Variants in FBXW10B observed in about 807,000 individuals in gnomAD.
FBXW10B encodes F-box and WD repeat domain containing 10B.
chr17:15,572,664 G>A, the FBXW10B span: 19 of 151,840 alleles, frequency 1.3e-4, no homozygotes, highest in African/African-American at 4.1e-4. Context: ...ACTCCAGAGC[G>A]GGAAGGCACT....
chr17:15,596,170 G>A, the FBXW10B span, among the ~76,000 whole-genome samples: 2 of 152,108 alleles, frequency 1.3e-5, no homozygotes, highest in African/African-American at 4.8e-5. Flanking sequence ...ACAGGTGTGA[G>A]CCACTGCGCC....
the FBXW10B span, chr17:15,619,545 C>T: frequency 1.5e-5 from 24 of 1,597,574 alleles, no homozygotes; most frequent in Middle Eastern, 1.7e-4. Flanking sequence ...TTTAGCCCTG[C>T]GCACTTGCAA....
chr17:15,615,823 G>A, the FBXW10B span: 8 of 1,613,696 alleles, frequency 5.0e-6, no homozygotes, highest in East Asian at 1.8e-4. Context: ...AAACACAGAA[G>A]ACCAAGACAA....
At chr17:15,619,661 T>A in the FBXW10B span, 12 of 1,483,818 alleles carry the variant, frequency 8.1e-6, no homozygotes, top group East Asian at 2.1e-4. Context: ...ATGGCTGCCA[T>A]GGATGGAAAG....
chr17:15,565,527 G>C, the FBXW10B span: 2 of 1,612,022 alleles, frequency 1.2e-6, no homozygotes, highest in East Asian at 2.2e-5. Context: ...ATTTCCCAAG[G>C]CTGGTTTAGA....
the FBXW10B span, among the ~76,000 whole-genome samples, chr17:15,583,153 G>T: frequency 6.9e-5 from 10 of 144,122 alleles, no homozygotes; most frequent in South Asian, 4.6e-4. Flanking sequence ...CTCTGTATGT[G>T]GCCTTCCTAA....
the FBXW10B span, chr17:15,612,562 G>C: frequency 1.6e-6 from 2 of 1,224,380 alleles, no homozygotes; most frequent in East Asian, 4.8e-5. Flanking sequence ...TAGCAACACA[G>C]AACTCTCGTC....
the FBXW10B span, among the ~76,000 whole-genome samples, chr17:15,569,621 A>G: frequency 6.6e-6 from 1 of 151,542 alleles, no homozygotes; most frequent in African/African-American, 2.4e-5. Flanking sequence ...CGCTGGGCCT[A>G]GGTAATTTTT....
At chr17:15,605,719 A>G in the FBXW10B span, among the ~76,000 whole-genome samples, 1 of 151,942 alleles carries the variant, frequency 6.6e-6, no homozygotes, top group Non-Finnish European at 1.5e-5. Flanking sequence ...AGTATGTGGC[A>G]TTGCCCGGAT....
At chr17:15,610,202 A>C in the FBXW10B span, among the ~76,000 whole-genome samples, 3 of 152,148 alleles carry the variant, frequency 2.0e-5, no homozygotes, top group African/African-American at 7.2e-5. Context: ...AAGAAAGAGG[A>C]GAGAAAGGCG....
the FBXW10B span, among the ~76,000 whole-genome samples, chr17:15,605,622 A>G: frequency 6.6e-6 from 1 of 152,210 alleles, no homozygotes; most frequent in African/African-American, 2.4e-5. Flanking sequence ...ACAAAAATCC[A>G]TTTCCGTTAA....
chr17:15,567,127 C>T, the FBXW10B span, among the ~76,000 whole-genome samples: 2 of 151,612 alleles, frequency 1.3e-5, no homozygotes, highest in South Asian at 4.2e-4. Flanking sequence ...AAAAAATTAG[C>T]CGGGCGTGGT....
the FBXW10B span, among the ~76,000 whole-genome samples, chr17:15,588,143 A>G: frequency 6.6e-6 from 1 of 152,084 alleles, no homozygotes; most frequent in Non-Finnish European, 1.5e-5. Context: ...TTTCATTTGC[A>G]TAAATAACAC....
At chr17:15,599,843 C>T in the FBXW10B span, among the ~76,000 whole-genome samples, 1 of 151,914 alleles carries the variant, frequency 6.6e-6, no homozygotes, top group African/African-American at 2.4e-5. Flanking sequence ...CCAGGGCCAT[C>T]ACTTACTAGC....
the FBXW10B span, among the ~76,000 whole-genome samples, chr17:15,609,930 G>A: frequency 2.1e-5 from 3 of 140,742 alleles, no homozygotes; most frequent in South Asian, 2.2e-4. Flanking sequence ...GCGTGATCTC[G>A]GCTCACTACA....
chr17:15,578,875 C>G, the FBXW10B span, among the ~76,000 whole-genome samples: 1 of 152,086 alleles, frequency 6.6e-6, no homozygotes, highest in Non-Finnish European at 1.5e-5. Context: ...GAGGGAGATT[C>G]ATTTTGGTAT....
the FBXW10B span, chr17:15,588,277 C>T: frequency 6.1e-6 from 1 of 162,712 alleles, no homozygotes; most frequent in African/African-American, 2.4e-5. Context: ...TAATTCATTA[C>T]AGACATTGTA....
At chr17:15,601,717 A>G in the FBXW10B span, among the ~76,000 whole-genome samples, 1 of 152,236 alleles carries the variant, frequency 6.6e-6, no homozygotes, top group East Asian at 1.9e-4. Flanking sequence ...ACTAATCTAT[A>G]AATTCAATGC....
chr17:15,608,073 A>G, the FBXW10B span, among the ~76,000 whole-genome samples: 8 of 151,744 alleles, frequency 5.3e-5, no homozygotes. Context: ...TCATATGTAT[A>G]TTACATCTAC....
Sources: gnomAD v4.1 joint callset for allele counts (sites outside exome capture counted in the v4.1 genomes callset) on GRCh38, gnomAD v4.1.1 for gene constraint, MANE v1.5 for transcripts, NCBI Gene and HGNC (gene_info 2026-07-23, HGNC 2026-07-21) for gene names.